CNTNAP2: variants seen among roughly 807,000 people sequenced by gnomAD.
CNTNAP2 encodes contactin associated protein 2.
CNTNAP2 carries 98 observed loss-of-function variants against 155.2 expected under a neutral mutation model. The observed-to-expected ratio is 0.63, with a 90% CI of 0.54 to 0.75. The LOEUF (loss-of-function observed/expected upper bound fraction) is 0.75. Among genes scored for constraint, CNTNAP2 ranks in the 30% least tolerant of loss-of-function variants. CNTNAP2 has a pLI of 0.00. For synonymous variants in CNTNAP2, 651 were observed against 631.2 expected (o/e 1.03, Z -0.47); for missense variants, 1,727 against 1,688.1 (o/e 1.02, Z -0.40).
chr7:147,699,740 T>C (rs1188092824), intron 13 of CNTNAP2, among the ~76,000 whole-genome samples: 4 of 152,098 alleles, frequency 2.6e-5, no homozygotes, highest in Non-Finnish European at 1.5e-5. Flanking sequence ...CTGGGGCAAT[T>C]AGTGCACGTA....
At chr7:146,122,414 G>A (rs1234169692) in intron 1 of CNTNAP2, among the ~76,000 whole-genome samples, 1 of 152,304 alleles carries the variant, frequency 6.6e-6, no homozygotes, top group Admixed American at 6.5e-5. Flanking sequence ...TATAAAGAAT[G>A]TTATTTCCTC....
chr7:148,155,099 T>C lies in CNTNAP2; in HGVS notation c.2773+7390T>C, dbSNP rs970367982. On this transcript the variant is annotated intron_variant, in intron 17 of 23. Transcript: ENST00000361727. ...AAGTGCTTCCCATGCTTCCCCTCAA[T>C]GAGTCCACACGAGTCTATAACATAG... Among the ~76,000 whole-genome samples, 7 of 152,280 alleles carry C rather than the reference T, an allele frequency of 4.6e-5. No individual in the cohort carries two copies. In the East Asian group the frequency reaches 1.4e-3, roughly 29 times the overall value.
intron 22 of CNTNAP2, among the ~76,000 whole-genome samples, chr7:148,396,541 A>G (rs891616317): frequency 2.6e-5 from 4 of 152,210 alleles, no homozygotes; most frequent in African/African-American, 7.2e-5. Flanking sequence ...TGGAAATGTT[A>G]GTTCCACCTC....
chr7:146,838,267 G>C (rs191258438), intron 2 of CNTNAP2, among the ~76,000 whole-genome samples: 49 of 152,222 alleles, frequency 3.2e-4, no homozygotes, highest in Admixed American at 2.9e-3. Context: ...TATGGATCAC[G>C]TACTGCACTG....
intron 10 of CNTNAP2, among the ~76,000 whole-genome samples, chr7:147,476,028 C>T (rs182353686): frequency 4.6e-5 from 7 of 152,162 alleles, no homozygotes; most frequent in South Asian, 2.1e-4. Context: ...TATCTACTAT[C>T]GATAATCTTA....
intron 13 of CNTNAP2, among the ~76,000 whole-genome samples, chr7:147,775,319 A>ATTTATATATATTTATAAATATATG (rs1797557858): frequency 2.9e-5 from 1 of 34,308 alleles, no homozygotes; most frequent in Non-Finnish European, 4.5e-5. Context: ...AAATATATAT[A>ATTTATATATATTTATAAATATATG]TATTTATATA....
At chr7:148,044,359 G>A (rs952442932) in intron 15 of CNTNAP2, among the ~76,000 whole-genome samples, 2 of 152,126 alleles carry the variant, frequency 1.3e-5, no homozygotes, top group African/African-American at 2.4e-5. Flanking sequence ...GGTGTGACTT[G>A]TGGCCAGGTG....
At chr7:147,958,637 A>G (rs1801064972) in intron 14 of CNTNAP2, among the ~76,000 whole-genome samples, 1 of 152,222 alleles carries the variant, frequency 6.6e-6, no homozygotes, top group Admixed American at 6.5e-5. Flanking sequence ...CTGAACTATT[A>G]CAGATTTAAA....
At chr7:146,943,177 T>C (rs1224684910) in intron 3 of CNTNAP2, among the ~76,000 whole-genome samples, 1 of 152,220 alleles carries the variant, frequency 6.6e-6, no homozygotes, top group Non-Finnish European at 1.5e-5. Context: ...ATTTTATGTT[T>C]ATGTATTATA....
At chr7:146,243,948 AG>A (rs1799603056) in intron 1 of CNTNAP2, among the ~76,000 whole-genome samples, 1 of 152,230 alleles carries the variant, frequency 6.6e-6, no homozygotes, top group East Asian at 1.9e-4. Context: ...GAGCGGGATT[AG>A]GGGCGGTGTG....
chr7:146,901,660 A>T (rs1316356191), intron 3 of CNTNAP2, among the ~76,000 whole-genome samples: 2 of 152,186 alleles, frequency 1.3e-5, no homozygotes, highest in Admixed American at 6.5e-5. Flanking sequence ...TAAAATCCAA[A>T]GGAAATATCA....
intron 9 of CNTNAP2, among the ~76,000 whole-genome samples, chr7:147,313,598 C>G (rs1373518572): frequency 6.6e-6 from 1 of 150,404 alleles, no homozygotes; most frequent in Non-Finnish European, 1.5e-5. Flanking sequence ...TTTCTGAGGG[C>G]TCTGTTCTGT....
chr7:147,020,419 C>A (rs1798798862), intron 3 of CNTNAP2, among the ~76,000 whole-genome samples: 1 of 152,090 alleles, frequency 6.6e-6, no homozygotes, highest in East Asian at 1.9e-4. Flanking sequence ...CAAATTATGT[C>A]TTGACCTTGA....
chr7:146,495,904 G>A (rs1445180366), intron 1 of CNTNAP2, among the ~76,000 whole-genome samples: 1 of 151,952 alleles, frequency 6.6e-6, no homozygotes, highest in African/African-American at 2.4e-5. Context: ...TTCAAAAGAA[G>A]GTCAAAAAAA....
At chr7:147,318,807 T>A (rs1256023040) in intron 9 of CNTNAP2, among the ~76,000 whole-genome samples, 1 of 152,184 alleles carries the variant, frequency 6.6e-6, no homozygotes, top group African/African-American at 2.4e-5. Flanking sequence ...GTTCTGCACA[T>A]GTATCCCAGA....
chr7:146,362,803 G>T (rs1459738061), intron 1 of CNTNAP2, among the ~76,000 whole-genome samples: 1 of 120,920 alleles, frequency 8.3e-6, no homozygotes, highest in Non-Finnish European at 1.6e-5. Context: ...ACGGAGTCTC[G>T]CTCTGTTGCC....
At chr7:147,949,854 G>A (rs1398598524) in intron 14 of CNTNAP2, among the ~76,000 whole-genome samples, 1 of 152,084 alleles carries the variant, frequency 6.6e-6, no homozygotes, top group African/African-American at 2.4e-5. Flanking sequence ...ATTGAATTGA[G>A]GTCCAGGTAG....
chr7:148,268,478 C>G (rs1796714659), intron 21 of CNTNAP2, among the ~76,000 whole-genome samples: 1 of 151,856 alleles, frequency 6.6e-6, no homozygotes, highest in Admixed American at 6.6e-5. Flanking sequence ...ACGGTGAAAC[C>G]CCGTCTCTAC....
At chr7:147,169,967 A>T (rs1423840204) in intron 8 of CNTNAP2, among the ~76,000 whole-genome samples, 1 of 152,072 alleles carries the variant, frequency 6.6e-6, no homozygotes, top group Non-Finnish European at 1.5e-5. Flanking sequence ...AAGATTGCTT[A>T]AGAACCATTG....
Sources: allele counts gnomAD v4.1 joint callset (sites outside exome capture counted in the v4.1 genomes callset), GRCh38; gene constraint gnomAD v4.1.1; transcripts MANE v1.5; gene names NCBI Gene and HGNC (gene_info 2026-07-23, HGNC 2026-07-21).